The following SLC22A5 variants were observed in gnomAD, a reference collection of about 807,000 sequenced individuals.
SLC22A5 encodes solute carrier family 22 member 5.
SLC22A5 carries 44 observed loss-of-function variants against 56.7 expected under a neutral mutation model. The ratio of observed to expected loss-of-function variants is 0.78; its 90% CI spans 0.61 to 1.00. The LOEUF is 1.00. Among genes scored for constraint, SLC22A5 ranks in the 50% least tolerant of loss-of-function variants. The pLI is 0.00. For missense variants in SLC22A5, 675 were observed against 723.0 expected, an observed-to-expected ratio of 0.93 and a Z score of 0.76; for synonymous variants, 278 against 292.1, an observed-to-expected ratio of 0.95 and a Z score of 0.49.
rs1751811232 is a variant in SLC22A5 at position 132,369,837 on chromosome 5, A to G, written c.-136A>G. 1 of 1,156,412 alleles carries G rather than the reference A, an allele frequency of 8.6e-7. No individual in the cohort carries two copies. Among genetic ancestry groups the G allele is most frequent in the Non-Finnish European group, 1.2e-6 (1 of 847,468 alleles). The allele number at this position is 1,156,412 out of a possible 1,614,324, so 71.6% of individuals were successfully genotyped here. A position where few individuals can be genotyped will look rare whatever the true frequency, so the allele number is the denominator to read the frequency against. On this transcript the variant is annotated 5_prime_UTR_variant, in exon 1 of 10. Coordinates refer to ENST00000245407, the MANE Select transcript of SLC22A5 (RefSeq NM_003060.4). Reference sequence around the variant, plus strand: ...ACCAAGGCGGCGGTGTCAGCTCGCGAGCCTACCCTCCGCGGACGGTCTTGG... The same window carrying G: ...ACCAAGGCGGCGGTGTCAGCTCGCGGGCCTACCCTCCGCGGACGGTCTTGG...
Position 132,369,789 on chromosome 5 carries a change from T to G in SLC22A5, c.-184T>G. The G allele has an allele frequency of 4.3e-6, 3 of 704,516 alleles. No individual in the cohort carries two copies. Among genetic ancestry groups the G allele is most frequent in the Non-Finnish European group, 4.4e-6 (2 of 454,316 alleles). 43.6% of individuals were successfully genotyped at this position (704,516 alleles called of 1,614,324 possible). A position where few individuals can be genotyped will look rare whatever the true frequency, so the allele number is the denominator to read the frequency against. ...CGCAACCTTCCCTGGTCGTGCGCCC[T>G]ATGTAAGGCCAGCCGCGGCAGGACC... On this transcript the variant is annotated 5_prime_UTR_variant, in exon 1 of 10. Transcript: ENST00000245407.
Position 132,387,144 on chromosome 5 carries a change from C to T in SLC22A5, c.944C>T (p.Pro315Leu), listed in dbSNP as rs200697217. The change falls in exon 5 of 10, where the codon CCG (proline) becomes CTG (leucine). Residue 315 changes from proline to leucine, a missense_variant. By Grantham distance (98) the Pro-to-Leu change is moderately conservative. Transcript: ENST00000245407. ...GTTGTGCCTTCCACTATCTTTGACC[C>T]GAGTGAGGTAAGCACCATGTGGGTG... ...GIVVPSTIFD[P>L]SELQDLSSKK... 37 of 1,614,112 alleles carry T rather than the reference C, an allele frequency of 2.3e-5. No individual in the cohort carries two copies. Among genetic ancestry groups the T allele is most frequent in the East Asian group, 4.5e-5 (2 of 44,884 alleles).
At chr5:132,374,782 G>A (rs1406246278) in intron 1 of SLC22A5, among the ~76,000 whole-genome samples, 1 of 152,020 alleles carries the variant, frequency 6.6e-6, no homozygotes, top group African/African-American at 2.4e-5. Flanking sequence ...ATGGCCAGGT[G>A]TGGTGGCTCT....
intron 5 of SLC22A5, among the ~76,000 whole-genome samples, chr5:132,388,580 G>T (rs758391036): frequency 6.6e-6 from 1 of 152,138 alleles, no homozygotes; most frequent in Non-Finnish European, 1.5e-5. Context: ...GCCAGGCTTC[G>T]GGAGGAATAC....
At chr5:132,385,846 C>T (rs1561571904) in intron 4 of SLC22A5, among the ~76,000 whole-genome samples, 1 of 152,258 alleles carries the variant, frequency 6.6e-6, no homozygotes, top group Non-Finnish European at 1.5e-5. Flanking sequence ...GCTGAAGCCT[C>T]ATGCCACAGG....
intron 7 of SLC22A5, among the ~76,000 whole-genome samples, chr5:132,391,630 A>G (rs1752704308): frequency 6.6e-6 from 1 of 152,202 alleles, no homozygotes; most frequent in South Asian, 2.1e-4. Context: ...GGGAGGGGCC[A>G]GACCACTGAG....
At chr5:132,390,342 G>A (rs114224388) in intron 6 of SLC22A5, 4,854 of 372,134 alleles carry the variant, frequency 0.013, 213 homozygotes, top group African/African-American at 0.092. Context: ...TGCAGTTGCT[G>A]GATTTGAGGA....
At chr5:132,370,953 C>CTTTTTTTTTTTTTTTTTTTTT (rs750736082) in intron 1 of SLC22A5, among the ~76,000 whole-genome samples, 2 of 133,786 alleles carry the variant, frequency 1.5e-5, no homozygotes, top group Non-Finnish European at 1.6e-5. Flanking sequence ...AGTTGTCAGT[C>CTTTTTTTTTTTTTTTTTTTTT]TTTTTTTTTT....
At position 132,395,211 on chromosome 5, in the gene SLC22A5, CTTT is replaced by C. The variant is rs4646307; in HGVS notation, c.*954_*956del. The C allele has an allele frequency of 2.9e-5, 3 of 103,490 alleles. No homozygotes were observed. Among genetic ancestry groups the C allele is most frequent in the Non-Finnish European group, 4.1e-5 (2 of 48,910 alleles). The allele number at this position is 103,490 out of a possible 1,614,324, so 6.4% of individuals were successfully genotyped here. On this transcript the variant is annotated 3_prime_UTR_variant, in exon 10 of 10. Transcript: ENST00000245407. ...GGTTCCTTAGCCTCCTGGTTTGTGT[CTTT>C]TTTTTTTTTTTTTTAAAACAGAATC...
intron 1 of SLC22A5, chr5:132,375,977 A>G (rs1241583737): frequency 1.3e-5 from 2 of 152,236 alleles, no homozygotes; most frequent in Non-Finnish European, 2.9e-5. Context: ...AGCTTTAATC[A>G]CAGCTGGGGA....
intron 4 of SLC22A5, 99 bp from the exon 5 acceptor site, chr5:132,386,926 G>A (rs1752550985): frequency 7.7e-7 from 1 of 1,300,780 alleles, no homozygotes; most frequent in Non-Finnish European, 1.1e-6. Context: ...ACAAGCTCTG[G>A]TTCTGCAACC....
intron 1 of SLC22A5, among the ~76,000 whole-genome samples, chr5:132,373,685 G>A (rs909349038): frequency 6.6e-6 from 1 of 152,124 alleles, no homozygotes; most frequent in Non-Finnish European, 1.5e-5. Flanking sequence ...TGAGGTAAAA[G>A]AGTTTTATGC....
chr5:132,393,568 C>G, intron 8 of SLC22A5, 108 bp from the exon 9 acceptor site: 2 of 1,332,160 alleles, frequency 1.5e-6, no homozygotes, highest in Non-Finnish European at 2.2e-6. Context: ...GATGTGAGAC[C>G]AAGAAGGAAA....
intron 1 of SLC22A5, among the ~76,000 whole-genome samples, chr5:132,375,476 AC>A (rs1752108174): frequency 6.6e-6 from 1 of 152,142 alleles, no homozygotes; most frequent in Non-Finnish European, 1.5e-5. Context: ...AGGGGCACAC[AC>A]CCTATCTTTT....
intron 7 of SLC22A5, among the ~76,000 whole-genome samples, chr5:132,392,228 G>A (rs1024958290): frequency 2.0e-5 from 3 of 152,322 alleles, no homozygotes; most frequent in South Asian, 4.1e-4. Flanking sequence ...TGAGGAAAGT[G>A]CATGTCCTTA....
intron 1 of SLC22A5, chr5:132,378,161 A>G (rs1752211486): frequency 6.4e-7 from 1 of 1,572,214 alleles, no homozygotes; most frequent in Admixed American, 1.9e-5. Flanking sequence ...CTCAAAATGG[A>G]AGCAAGACAG....
chr5:132,394,061 A>G (rs1338638514), intron 9 of SLC22A5, 124 bp from the exon 10 acceptor site: 1 of 814,368 alleles, frequency 1.2e-6, no homozygotes, highest in Non-Finnish European at 2.1e-6. Flanking sequence ...GGCTAGAAGA[A>G]ACCTTTCAGA....
intron 5 of SLC22A5, among the ~76,000 whole-genome samples, 191 bp downstream of exon 5, chr5:132,387,342 A>T (rs1752569405): frequency 1.3e-5 from 2 of 150,852 alleles, no homozygotes. Flanking sequence ...AAGTTGAGGA[A>T]TAGGTTACAG....
intron 6 of SLC22A5, chr5:132,390,486 C>T: frequency 1.6e-6 from 1 of 643,490 alleles, no homozygotes; most frequent in South Asian, 1.7e-5. Flanking sequence ...CGCACTGGCG[C>T]AGGGTTTACA....
Sources: gnomAD v4.1 joint callset for allele counts (sites outside exome capture counted in the v4.1 genomes callset) on GRCh38, gnomAD v4.1.1 for gene constraint, MANE v1.5 for transcripts, NCBI Gene and HGNC (gene_info 2026-07-23, HGNC 2026-07-21) for gene names.